The following PADI1 variants were observed in gnomAD, a reference collection of about 807,000 sequenced individuals.
The protein encoded by PADI1 is protein-arginine deiminase type-1.
A neutral mutation model predicts 74.8 loss-of-function variants in PADI1; 65 were observed. The ratio of observed to expected loss-of-function variants is 0.87; its 90% CI spans 0.71 to 1.07. The LOEUF (loss-of-function observed/expected upper bound fraction) is 1.07. Among genes scored for constraint, PADI1 ranks in the 50% least tolerant of loss-of-function variants. PADI1 has a pLI of 0.00. For missense variants in PADI1, 943 were observed against 854.0 expected (o/e 1.10, Z -1.30); for synonymous variants, 371 against 336.2 (o/e 1.10, Z -1.13).
intron 15 of PADI1, among the ~76,000 whole-genome samples, chr1:17,243,449 T>A (rs1286552797): frequency 6.6e-6 from 1 of 152,244 alleles, no homozygotes; most frequent in South Asian, 2.1e-4. Context: ...TTATGTGACT[T>A]AACCTGTCTG....
At chr1:17,208,028 G>A (rs2071726490) in intron 1 of PADI1, among the ~76,000 whole-genome samples, 1 of 152,252 alleles carries the variant, frequency 6.6e-6, no homozygotes, top group Admixed American at 6.5e-5. Context: ...GGAGGAAGGG[G>A]TTACACTTGA....
chr1:17,240,189 A>C (rs1487891291), intron 14 of PADI1: 1 of 252,314 alleles, frequency 4.0e-6, no homozygotes, highest in Non-Finnish European at 7.8e-6. Flanking sequence ...AGGAAGGGGC[A>C]GGGCTCACCC....
At position 17,239,792 on chromosome 1, in the gene PADI1, C is replaced by A. The variant is rs762822052; in HGVS notation, c.1632+9C>A. The stretch of plus-strand genomic sequence containing the variant: ...ACAATCTTCATGCACAGGTGAGAGG[C>A]AGGACCACCAGCTGCTCTAAGGGGT... On this transcript the variant is annotated intron_variant, in intron 14 of 15. Transcript: ENST00000375471. 1.2e-6 allele frequency: 2 copies of A among 1,604,228 alleles called. No individual in the cohort carries two copies. Among genetic ancestry groups the A allele is most frequent in the Admixed American group, 1.7e-5 (1 of 59,906 alleles).
In PADI1 at chr1:17,222,203, G is replaced by C. The variant is rs906081250; in HGVS notation, c.93-87G>C. 7 of 939,018 alleles carry C rather than the reference G, an allele frequency of 7.5e-6. No homozygotes were observed. In the African/African-American group the frequency reaches 1.2e-4, roughly 16 times the overall value. The allele number at this position is 939,018 out of a possible 1,614,324, so 58.2% of individuals were successfully genotyped here. A position where few individuals can be genotyped will look rare whatever the true frequency, so the allele number is the denominator to read the frequency against. On this transcript the variant is annotated intron_variant, in intron 1 of 15. Transcript: ENST00000375471. ...TGAGGGGTGCCATTTGAACGGCCTG[G>C]CAGCCCCAAGCCCCCACCCCACTGT... is the stretch of plus-strand genomic sequence containing the variant.
chr1:17,221,737 G>GC (rs2072157076), intron 1 of PADI1, among the ~76,000 whole-genome samples: 1 of 152,228 alleles, frequency 6.6e-6, no homozygotes, highest in South Asian at 2.1e-4. Context: ...CGTGGCTGGA[G>GC]CTAAGTGAGC....
intron 1 of PADI1, among the ~76,000 whole-genome samples, chr1:17,205,974 CT>C (rs1392263904): frequency 6.6e-6 from 1 of 152,180 alleles, no homozygotes; most frequent in African/African-American, 2.4e-5. Flanking sequence ...GCATTTGCTT[CT>C]CCTGTTGACC....
rs41265071 is a variant in PADI1 at position 17,222,445 on chromosome 1, C to T, written c.248C>T (p.Ala83Val). The T allele has an allele frequency of 2.2e-3, 3,598 of 1,613,872 alleles. 5 individuals carry two copies. Among genetic ancestry groups the T allele is most frequent in the Non-Finnish European group, 2.7e-3 (3,146 of 1,179,796 alleles). Residue 83 changes from alanine (A) to valine (V), a missense_variant, in exon 2 of 16, where the codon GCC (alanine) becomes GTC (valine). By Grantham distance (64) the Ala-to-Val change is moderately conservative. Transcript: ENST00000375471. Reference protein sequence around the residue: ...DADMVVSVGTASKELKDFKVR... With the variant: ...DADMVVSVGTVSKELKDFKVR... ...GACATGGTCGTATCTGTGGGCACAGCCAGTAAGGAATTAAAGGACTTCAAG... is the reference window on the plus strand; with the variant it reads ...GACATGGTCGTATCTGTGGGCACAGTCAGTAAGGAATTAAAGGACTTCAAG...
intron 1 of PADI1, among the ~76,000 whole-genome samples, chr1:17,221,542 G>A (rs1304470051): frequency 1.3e-5 from 2 of 151,984 alleles, no homozygotes; most frequent in African/African-American, 2.4e-5. Context: ...GGTGGGCAAG[G>A]TGCAGCATTA....
chr1:17,209,960 C>T (rs990798112), intron 1 of PADI1, among the ~76,000 whole-genome samples: 1 of 152,026 alleles, frequency 6.6e-6, no homozygotes, highest in Admixed American at 6.6e-5. Context: ...AAGTGATTCT[C>T]CTGCACTCCT....
chr1:17,227,410 AGTCC>A (rs2072347393), intron 6 of PADI1, among the ~76,000 whole-genome samples: 1 of 151,312 alleles, frequency 6.6e-6, no homozygotes, highest in African/African-American at 2.4e-5. Context: ...ATTAGCCTGT[AGTCC>A]CAGCTACTCT....
At chr1:17,218,597 A>G (rs112788471) in intron 1 of PADI1, among the ~76,000 whole-genome samples, 82 of 152,362 alleles carry the variant, frequency 5.4e-4, no homozygotes, top group African/African-American at 1.8e-3. Context: ...GGGTTTGGCA[A>G]CAGTGGAGTT....
In PADI1 at chr1:17,226,153, C is replaced by T. The variant is rs768873871; in HGVS notation, c.647C>T (p.Ala216Val). ...SDSKRVRVFC[A>V]RGGNSLSDYK... ...TCCAAAAGAGTGAGGGTCTTCTGTG[C>T]CAGGGGTGAGTGGCCTGATGGGGCC... Residue 216 changes from alanine (A) to valine (V), a missense_variant, in exon 6 of 16, where the codon GCC becomes GTC. Physicochemically the swap from Ala to Val is moderately conservative, Grantham distance 64 (BLOSUM62 0). Coordinates refer to ENST00000375471, the MANE Select transcript of PADI1 (RefSeq NM_013358.3). 3 of 1,614,090 alleles carry T rather than the reference C, an allele frequency of 1.9e-6. No homozygotes were observed. Among genetic ancestry groups the T allele is most frequent in the Non-Finnish European group, 2.5e-6 (3 of 1,179,964 alleles).
At chr1:17,232,375 G>T (rs943888175) in intron 10 of PADI1, among the ~76,000 whole-genome samples, 1 of 152,196 alleles carries the variant, frequency 6.6e-6, no homozygotes, top group Non-Finnish European at 1.5e-5. Context: ...GAGGAGCTGG[G>T]AGCACAGGCT....
At chr1:17,209,429 G>A (rs1039650161) in intron 1 of PADI1, among the ~76,000 whole-genome samples, 6 of 152,162 alleles carry the variant, frequency 3.9e-5, no homozygotes, top group Admixed American at 3.9e-4. Flanking sequence ...TGTAAAAACT[G>A]GACTCAGAAT....
intron 12 of PADI1, among the ~76,000 whole-genome samples, chr1:17,237,807 A>G (rs1260286204): frequency 6.6e-6 from 1 of 152,220 alleles, no homozygotes; most frequent in African/African-American, 2.4e-5. Flanking sequence ...CAAGCGAGGA[A>G]ATTGAGGCTC....
rs976301067 is a variant in PADI1 at position 17,215,568 on chromosome 1, A to C, written c.93-6722A>C. On this transcript the variant is annotated intron_variant, in intron 1 of 15. Coordinates refer to ENST00000375471, the MANE Select transcript of PADI1 (RefSeq NM_013358.3). ...GAGTGGGGTGGAGCAGGAGTCACCCATGAGCTAGAAACCCTTCTGCTGCCA... is the reference window on the plus strand; with the variant it reads ...GAGTGGGGTGGAGCAGGAGTCACCCCTGAGCTAGAAACCCTTCTGCTGCCA... Among the ~76,000 whole-genome samples the C allele has an allele frequency of 2.0e-5, 3 of 152,182 alleles. No individual in the cohort carries two copies. The East Asian group carries it at 5.8e-4, about 30-fold the overall frequency.
rs2072387432 is a variant in PADI1 at position 17,228,530 on chromosome 1, T to A, written c.653-95T>A. ...GGCAGAGCCAGAGAGGAACCCAAGCTGCTCTAACCACAAAGGGGGCTCTGT... is the reference window on the plus strand; with the variant it reads ...GGCAGAGCCAGAGAGGAACCCAAGCAGCTCTAACCACAAAGGGGGCTCTGT... On this transcript the variant is annotated intron_variant, in intron 6 of 15. Coordinates refer to ENST00000375471, the MANE Select transcript of PADI1 (RefSeq NM_013358.3). 3.0e-6 allele frequency: 4 copies of A among 1,340,264 alleles called. No individual in the cohort carries two copies. The South Asian group carries it at 4.8e-5, about 16-fold the overall frequency. 83.0% of individuals were successfully genotyped at this position (1,340,264 alleles called of 1,614,324 possible).
At chr1:17,213,184 C>CGGGG in intron 1 of PADI1, among the ~76,000 whole-genome samples, 1 of 151,976 alleles carries the variant, frequency 6.6e-6, no homozygotes, top group African/African-American at 2.4e-5. Context: ...GGGACGTAAT[C>CGGGG]TCCTACCAGG....
chr1:17,244,170 AG>A lies in PADI1; in HGVS notation c.1924del (p.Glu642ArgfsTer112). On this transcript the variant is annotated frameshift_variant, in exon 16 of 16. Transcript: ENST00000375471. LOFTEE classifies it high-confidence loss of function. ...IDDYLSYHEL[Q>X]GEIHCGTNVR... ...GACTACTTGTCCTACCACGAGCTGCAGGGGGAGATCCACTGTGGCACCAACG... is the reference window on the plus strand; with the variant it reads ...GACTACTTGTCCTACCACGAGCTGCAGGGGAGATCCACTGTGGCACCAACG... 1 of 1,614,218 alleles carries A rather than the reference AG, an allele frequency of 6.2e-7. No individual in the cohort carries two copies. Among genetic ancestry groups the A allele is most frequent in the South Asian group, 1.1e-5 (1 of 91,084 alleles).
Sources: allele counts gnomAD v4.1 joint callset (sites outside exome capture counted in the v4.1 genomes callset), GRCh38; gene constraint gnomAD v4.1.1; transcripts MANE v1.5; gene names NCBI Gene and HGNC (gene_info 2026-07-23, HGNC 2026-07-21).